Variants in ANKS3 observed in about 807,000 individuals in gnomAD.
The protein encoded by ANKS3 is ankyrin repeat and SAM domain-containing protein 3.
ANKS3 carries 62 observed loss-of-function variants against 80.7 expected under a neutral mutation model. The ratio of observed to expected loss-of-function variants is 0.77; its 90% confidence interval spans 0.63 to 0.95. The LOEUF is 0.95. Among genes scored for constraint, ANKS3 ranks in the 40% least tolerant of loss-of-function variants. ANKS3 has a pLI of 0.00. For synonymous variants in ANKS3, 489 were observed against 355.3 expected (o/e 1.38, Z -4.23); for missense variants, 1,150 against 883.6 (o/e 1.30, Z -3.82).
chr16:4,698,503 G>T lies in ANKS3; in HGVS notation c.1648C>A (p.Arg550Ser). Residue 550 changes from arginine to serine, a missense_variant, in exon 14 of 18, where the codon CGC (arginine) becomes AGC (serine). By Grantham distance (110) the Arg-to-Ser change is moderately radical (BLOSUM62 -1). Transcript: ENST00000304283. ...ESCLLEQDRA[R>S]EDLQARLRET... ...CGCAGCCGGGCCTGGAGGTCCTCGC[G>T]GGCGCGGTCCTGCTCCAGCAGGCAG... The T allele has an allele frequency of 6.4e-7, 1 of 1,558,984 alleles. No homozygotes were observed. Among genetic ancestry groups the T allele is most frequent in the Non-Finnish European group, 8.6e-7 (1 of 1,160,176 alleles).
chr16:4,715,352 G>A (rs1283682980), intron 6 of ANKS3, among the ~76,000 whole-genome samples: 1 of 152,200 alleles, frequency 6.6e-6, no homozygotes, highest in East Asian at 1.9e-4. Context: ...CTTCTCTCCT[G>A]TCAGACCAGG....
At chr16:4,718,919 G>A (rs1216764455) in intron 6 of ANKS3, among the ~76,000 whole-genome samples, 1 of 152,202 alleles carries the variant, frequency 6.6e-6, no homozygotes, top group Non-Finnish European at 1.5e-5. Context: ...ATATTTAGGG[G>A]AAAAGGGGCA....
At chr16:4,708,494 C>A (rs2080317669) in intron 7 of ANKS3, among the ~76,000 whole-genome samples, 1 of 152,018 alleles carries the variant, frequency 6.6e-6, no homozygotes. Flanking sequence ...GTTTCCAACT[C>A]AAAAAACTAG....
intron 16 of ANKS3, 77 bp downstream of exon 16, chr16:4,697,256 C>A: frequency 6.5e-7 from 1 of 1,548,650 alleles, no homozygotes; most frequent in Middle Eastern, 1.7e-4. Context: ...CACAAACCCG[C>A]TTTCCCTGGA....
chr16:4,733,699 A>G (rs1170595819), intron 1 of ANKS3, among the ~76,000 whole-genome samples: 3 of 152,206 alleles, frequency 2.0e-5, no homozygotes, highest in Non-Finnish European at 4.4e-5. Flanking sequence ...ATTATTACGA[A>G]CTGCATGCCT....
At chr16:4,715,461 C>T (rs1477295587) in intron 6 of ANKS3, among the ~76,000 whole-genome samples, 2 of 151,814 alleles carry the variant, frequency 1.3e-5, no homozygotes, top group Non-Finnish European at 2.9e-5. Context: ...CAGGGTGTGG[C>T]GGCACATGCC....
chr16:4,703,232 C>T (rs900253725), intron 8 of ANKS3, among the ~76,000 whole-genome samples: 1 of 152,132 alleles, frequency 6.6e-6, no homozygotes, highest in East Asian at 1.9e-4. Context: ...TCCACCTCAG[C>T]CTCTCATGTA....
rs1178549529 is a variant in ANKS3 at position 4,734,107 on chromosome 16, G to C, written c.-240C>G. On this transcript the variant is annotated 5_prime_UTR_variant, in exon 1 of 18. Transcript: ENST00000304283. ...GGACGCCCGAGCGCCGGGTCTAGGC[G>C]GGCTGCAGGTGCCGGCAAGTGCTGG... 1.1e-6 allele frequency: 1 copy of C among 870,478 alleles called. No homozygotes were observed. The highest frequency in any genetic ancestry group is 5.2e-5 in the South Asian group (1 of 19,096). 53.9% of individuals were successfully genotyped at this position (870,478 alleles called of 1,614,324 possible).
intron 7 of ANKS3, among the ~76,000 whole-genome samples, chr16:4,706,443 G>A (rs552843220): frequency 7.2e-5 from 11 of 152,114 alleles, no homozygotes; most frequent in South Asian, 2.1e-4. Flanking sequence ...CACCATGTTG[G>A]CCAGGCTGGT....
intron 7 of ANKS3, among the ~76,000 whole-genome samples, chr16:4,706,289 G>C (rs1418730109): frequency 6.6e-6 from 1 of 151,820 alleles, no homozygotes; most frequent in Non-Finnish European, 1.5e-5. Context: ...GGAGTGCAAT[G>C]GTGCGATCAC....
At chr16:4,714,725 G>T (rs967949379) in intron 6 of ANKS3, among the ~76,000 whole-genome samples, 5 of 152,088 alleles carry the variant, frequency 3.3e-5, no homozygotes, top group Non-Finnish European at 7.4e-5. Context: ...CGGGTGCGGT[G>T]GCTCATGCCT....
At chr16:4,697,137 C>A (rs1442165553) in intron 16 of ANKS3, 33 bp from the exon 17 acceptor site, 2 of 1,606,622 alleles carry the variant, frequency 1.2e-6, no homozygotes, top group South Asian at 2.2e-5. Context: ...CTCTCCCGGC[C>A]AGGCTCAGGA....
intron 5 of ANKS3, among the ~76,000 whole-genome samples, chr16:4,725,974 GT>G (rs1258047288): frequency 3.7e-5 from 3 of 81,754 alleles, no homozygotes; most frequent in Non-Finnish European, 8.7e-5. Flanking sequence ...CATGACTGTT[GT>G]TTTTGTTTTT....
chr16:4,706,762 A>G (rs2080217204), intron 7 of ANKS3, among the ~76,000 whole-genome samples: 1 of 152,188 alleles, frequency 6.6e-6, no homozygotes, highest in African/African-American at 2.4e-5. Flanking sequence ...TGGAGTGGGT[A>G]AGCTGGGGCA....
At position 4,696,706 on chromosome 16, in the gene ANKS3, C is replaced by G. The variant is rs1352851419; in HGVS notation, c.*202G>C. The G allele has an allele frequency of 6.9e-6, 3 of 437,378 alleles. No individual in the cohort carries two copies. Among genetic ancestry groups the G allele is most frequent in the Admixed American group, 3.6e-5 (1 of 27,682 alleles). The allele number at this position is 437,378 out of a possible 1,614,324, so 27.1% of individuals were successfully genotyped here. On this transcript the variant is annotated 3_prime_UTR_variant, in exon 18 of 18. Coordinates refer to ENST00000304283, the MANE Select transcript of ANKS3 (RefSeq NM_133450.4). ...GAGGTTCTGGGTGAGGCCCTCGTCCCGCCTCAGTGCTGGCCCGAGCTGCCG... is the reference window on the plus strand; with the variant it reads ...GAGGTTCTGGGTGAGGCCCTCGTCCGGCCTCAGTGCTGGCCCGAGCTGCCG...
Position 4,696,812 on chromosome 16 carries a change from G to A in ANKS3, c.*96C>T, listed in dbSNP as rs7188244. On this transcript the variant is annotated 3_prime_UTR_variant, in exon 18 of 18. Transcript: ENST00000304283. ...ATCCTCTGGCCCCCACTGGGCCTGG[G>A]CTGCACATGGCAGCTACCTGCTCAC... The A allele has an allele frequency of 0.016, 9,986 of 610,756 alleles. 649 individuals carry two copies. Among genetic ancestry groups the A allele is most frequent in the African/African-American group, 0.15 (8,384 of 54,188 alleles). The allele number at this position is 610,756 out of a possible 1,614,324, so 37.8% of individuals were successfully genotyped here.
Position 4,714,135 on chromosome 16 carries a change from C to T in ANKS3, c.625G>A (p.Ala209Thr), listed in dbSNP as rs866835228. ...ATCTTCATGTGTCCGTACTGCTTGG[C>T]CAGCATCCGGGCTGTGGCTCCACTG... ...DHSGATARMLAKQYGHMKIVA... is the reference protein window; with the variant it reads ...DHSGATARMLTKQYGHMKIVA... The change falls in exon 7 of 18, where the codon GCC (alanine) becomes ACC (threonine). Residue 209 changes from alanine to threonine, a missense_variant. Physicochemically the swap from Ala to Thr is moderately conservative, Grantham distance 58. Transcript: ENST00000304283. 6.2e-7 allele frequency: 1 copy of T among 1,614,108 alleles called. No individual in the cohort carries two copies. The highest frequency in any genetic ancestry group is 8.5e-7 in the Non-Finnish European group (1 of 1,180,036).
At chr16:4,704,751 G>C (rs1027499459) in intron 8 of ANKS3, among the ~76,000 whole-genome samples, 6 of 152,180 alleles carry the variant, frequency 3.9e-5, no homozygotes, top group East Asian at 1.9e-4. Context: ...TGAACTTCAC[G>C]CTTTGCCTCC....
chr16:4,719,525 G>A (rs761837005), intron 6 of ANKS3, among the ~76,000 whole-genome samples: 1 of 151,538 alleles, frequency 6.6e-6, no homozygotes, highest in Non-Finnish European at 1.5e-5. Flanking sequence ...TTATCTGGCC[G>A]GGCATGGTGG....
Sources: gnomAD v4.1 joint callset for allele counts (sites outside exome capture counted in the v4.1 genomes callset) on GRCh38, gnomAD v4.1.1 for gene constraint, MANE v1.5 for transcripts, NCBI Gene and HGNC (gene_info 2026-07-23, HGNC 2026-07-21) for gene names.